The following AHRR variants were observed in gnomAD, a reference collection of about 807,000 sequenced individuals.
AHRR encodes the protein aryl hydrocarbon receptor repressor, also known as ahR repressor.
Under a neutral mutation model 44.0 loss-of-function variants are expected in AHRR, and 28 were observed. The ratio of observed to expected loss-of-function variants is 0.64; its 90% CI spans 0.47 to 0.87. AHRR has a LOEUF of 0.87. Ranked by LOEUF, AHRR falls within the 40% of genes least tolerant of loss-of-function variation. The pLI, the probability that AHRR is intolerant of heterozygous loss-of-function variation, is 0.00. For synonymous variants in AHRR, 434 were observed against 407.0 expected, an observed-to-expected ratio of 1.07 and a Z score of -0.80; for missense variants, 990 against 953.9, an observed-to-expected ratio of 1.04 and a Z score of -0.50.
rs1743553665 is a variant in AHRR at position 370,787 on chromosome 5, CCCATCATG to C, written c.245-5821_245-5814del. 6.6e-6 allele frequency among the ~76,000 whole-genome samples: 1 copy of C among 151,906 alleles called. No individual in the cohort carries two copies. Among genetic ancestry groups the C allele is most frequent in the African/African-American group, 2.4e-5 (1 of 41,334 alleles). ...GTTGGTGGGGGGAGGGGGGCACGTT[CCCATCATG>C]CTTGTCCGACCTCCCTGGGTGGCTG... is the stretch of plus-strand genomic sequence containing the variant. On this transcript the variant is annotated intron_variant, in intron 3 of 10. Coordinates refer to ENST00000684583, the MANE Select transcript of AHRR (RefSeq NM_001377236.1). This position sits in a 1 kb window ranked among gnomAD's most constrained non-coding sequence, Gnocchi z 4.5.
chr5:364,086 C>G (rs186022892), intron 3 of AHRR, among the ~76,000 whole-genome samples: 5 of 152,310 alleles, frequency 3.3e-5, no homozygotes, highest in African/African-American at 1.2e-4. Context: ...GTAACTGAGG[C>G]ATCCTTCTAC....
In AHRR at chr5:434,125, G is replaced by C; in HGVS notation, c.1385G>C (p.Ser462Thr). The change falls in exon 11 of 11, where the codon AGC becomes ACC. Residue 462 changes from serine to threonine, a missense_variant. Physicochemically the swap from Ser to Thr is moderately conservative, Grantham distance 58. Transcript: ENST00000684583. ...AGCCCGTCCCCCAGTGCCTACTCCA[G>C]CCGGACCAGCAGACCCATGCGGGAT... Reference protein sequence around the residue: ...PPSPSPSAYSSRTSRPMRDVG... With the variant: ...PPSPSPSAYSTRTSRPMRDVG... 2 of 1,612,630 alleles carry C rather than the reference G, an allele frequency of 1.2e-6. No individual in the cohort carries two copies. The highest frequency in any genetic ancestry group is 1.7e-5 in the Admixed American group (1 of 59,854).
chr5:393,388 G>C (rs1209595961), intron 4 of AHRR, among the ~76,000 whole-genome samples: 1 of 152,220 alleles, frequency 6.6e-6, no homozygotes, highest in Non-Finnish European at 1.5e-5. Flanking sequence ...CTCCTCCCGA[G>C]TGTTCCTCTA....
chr5:372,430 C>CA, intron 3 of AHRR, among the ~76,000 whole-genome samples: 1 of 152,330 alleles, frequency 6.6e-6, no homozygotes, highest in East Asian at 1.9e-4. Context: ...GGGTGAAGGA[C>CA]AAAGGGACGT....
chr5:421,906 C>T (rs1335679651), intron 5 of AHRR, among the ~76,000 whole-genome samples: 2 of 152,226 alleles, frequency 1.3e-5, no homozygotes, highest in Non-Finnish European at 2.9e-5. Flanking sequence ...GGAAGAACCA[C>T]TTGGTTATTA....
At chr5:362,897 T>A (rs1304872464) in intron 3 of AHRR, among the ~76,000 whole-genome samples, 1 of 152,264 alleles carries the variant, frequency 6.6e-6, no homozygotes, top group Non-Finnish European at 1.5e-5. Flanking sequence ...TTTTCTCATG[T>A]CTGCCCCAGC....
intron 1 of AHRR, among the ~76,000 whole-genome samples, chr5:322,400 G>A (rs1377017819): frequency 6.6e-6 from 1 of 152,122 alleles, no homozygotes; most frequent in Non-Finnish European, 1.5e-5. Flanking sequence ...CCTCTTCTGC[G>A]AGGCCGGAGG....
In AHRR at chr5:404,035, T is replaced by C; in HGVS notation, c.352-9309T>C. 1 of 757,910 alleles carries C rather than the reference T, an allele frequency of 1.3e-6. No homozygotes were observed. Among genetic ancestry groups the C allele is most frequent in the Non-Finnish European group, 2.3e-6 (1 of 426,974 alleles). 46.9% of individuals were successfully genotyped at this position (757,910 alleles called of 1,614,324 possible). On this transcript the variant is annotated intron_variant, in intron 4 of 10. Transcript: ENST00000684583. The surrounding 1 kb of genome is among the most constrained non-coding windows in gnomAD (Gnocchi z 4.1). ...TTTTTTCTTAATCCACGGCTGAATCTGTTTAGTCTTTGCATCCAAATCATG... is the reference window on the plus strand; with the variant it reads ...TTTTTTCTTAATCCACGGCTGAATCCGTTTAGTCTTTGCATCCAAATCATG...
At position 338,434 on chromosome 5, in the gene AHRR, G is replaced by GT. The variant is rs978028576; in HGVS notation, c.-10-5453dup. On this transcript the variant is annotated intron_variant, in intron 1 of 10. Transcript: ENST00000684583. This position sits in a 1 kb window ranked among gnomAD's most constrained non-coding sequence, Gnocchi z 4.1. Reference sequence around the variant, plus strand: ...AAGATGTAGAATTCTAGGTTTCAGGGTTTTTTCTTTCAGCTTTAAAGATGT... The same window carrying GT: ...AAGATGTAGAATTCTAGGTTTCAGGGTTTTTTTCTTTCAGCTTTAAAGATGT... Among the ~76,000 whole-genome samples, 4 of 152,164 alleles carry GT rather than the reference G, an allele frequency of 2.6e-5. No individual in the cohort carries two copies. Among genetic ancestry groups the GT allele is most frequent in the African/African-American group, 9.7e-5 (4 of 41,440 alleles).
At chr5:369,706 G>C (rs1743499691) in intron 3 of AHRR, among the ~76,000 whole-genome samples, 1 of 152,244 alleles carries the variant, frequency 6.6e-6, no homozygotes, top group African/African-American at 2.4e-5. Flanking sequence ...GACAAATTCT[G>C]TGCATCCTGG....
chr5:397,680 T>G (rs148426454), intron 4 of AHRR, among the ~76,000 whole-genome samples: 3 of 78,176 alleles, frequency 3.8e-5, no homozygotes, highest in Admixed American at 1.3e-4. Context: ...TGACCATCCA[T>G]GTAGCCCCTG....
In AHRR at chr5:383,986, AT is replaced by A. The variant is rs573686498; in HGVS notation, c.351+7278del. 2.0e-5 allele frequency among the ~76,000 whole-genome samples: 3 copies of A among 151,338 alleles called. No individual in the cohort carries two copies. The highest frequency in any genetic ancestry group is 4.4e-5 in the Non-Finnish European group (3 of 67,820). On this transcript the variant is annotated intron_variant, in intron 4 of 10. Transcript: ENST00000684583. The surrounding 1 kb of genome is among the most constrained non-coding windows in gnomAD (Gnocchi z 4.0). ...TTGGCAGTATGTAAGTTGGGCCTTGATTTTTTTTCAATCAAGTCTGACAATC... is the reference window on the plus strand; with the variant it reads ...TTGGCAGTATGTAAGTTGGGCCTTGATTTTTTTCAATCAAGTCTGACAATC...
At chr5:431,999 G>A (rs1273368149) in intron 8 of AHRR, 1 of 157,996 alleles carries the variant, frequency 6.3e-6, no homozygotes, top group Non-Finnish European at 1.4e-5. Flanking sequence ...AATCTACCAG[G>A]GTGAGTTGTT....
In AHRR at chr5:323,813, G is replaced by C. The variant is rs906504262; in HGVS notation, c.-11+1994G>C. Among the ~76,000 whole-genome samples, 10 of 152,292 alleles carry C rather than the reference G, an allele frequency of 6.6e-5. No individual in the cohort carries two copies. The South Asian group carries it at 1.7e-3, about 25-fold the overall frequency. On this transcript the variant is annotated intron_variant, in intron 1 of 10. Coordinates refer to ENST00000684583, the MANE Select transcript of AHRR (RefSeq NM_001377236.1). ...GAAGCGGGAAAGCGCCATGTGGTCTGGGGTGATCAGGCATTGAAGGAGACT... is the reference window on the plus strand; with the variant it reads ...GAAGCGGGAAAGCGCCATGTGGTCTCGGGTGATCAGGCATTGAAGGAGACT...
chr5:323,044 CCT>C (rs1741559846), intron 1 of AHRR, among the ~76,000 whole-genome samples: 1 of 152,244 alleles, frequency 6.6e-6, no homozygotes, highest in South Asian at 2.1e-4. Flanking sequence ...CTGGCCGACC[CCT>C]CTGTCCCGTG....
chr5:415,166 C>T (rs1024312085), intron 5 of AHRR, among the ~76,000 whole-genome samples: 10 of 152,236 alleles, frequency 6.6e-5, no homozygotes, highest in Admixed American at 2.0e-4. Flanking sequence ...TGTGACACTG[C>T]GGGGTGCACA....
At chr5:376,014 C>A (rs143861295) in intron 3 of AHRR, among the ~76,000 whole-genome samples, 1 of 109,784 alleles carries the variant, frequency 9.1e-6, no homozygotes, top group African/African-American at 5.7e-5. Context: ...TCCTGCCCTG[C>A]GGTGTTCTGT....
At chr5:362,731 G>A (rs1164304980) in intron 3 of AHRR, among the ~76,000 whole-genome samples, 2 of 152,190 alleles carry the variant, frequency 1.3e-5, no homozygotes, top group Admixed American at 1.3e-4. Context: ...TATTTTAGGA[G>A]CTGATTTTAC....
rs547672038 is a variant in AHRR at position 326,786 on chromosome 5, G to C, written c.-11+4967G>C. On this transcript the variant is annotated intron_variant, in intron 1 of 10. Coordinates refer to ENST00000684583, the MANE Select transcript of AHRR (RefSeq NM_001377236.1). The surrounding 1 kb of genome is among the most constrained non-coding windows in gnomAD (Gnocchi z 4.1). ...TAAAAAAAATGATAGCTGGCCCGGCGCATGGTTCACGCCTGTAATCCCTGC... is the reference window on the plus strand; with the variant it reads ...TAAAAAAAATGATAGCTGGCCCGGCCCATGGTTCACGCCTGTAATCCCTGC... Among the ~76,000 whole-genome samples the C allele has an allele frequency of 6.6e-6, 1 of 152,006 alleles. No homozygotes were observed. Among genetic ancestry groups the C allele is most frequent in the Non-Finnish European group, 1.5e-5 (1 of 68,008 alleles).
Sources: allele counts gnomAD v4.1 joint callset (sites outside exome capture counted in the v4.1 genomes callset), GRCh38; gene constraint gnomAD v4.1.1; non-coding constraint Gnocchi (gnomAD v3.1); transcripts MANE v1.5; gene names NCBI Gene and HGNC (gene_info 2026-07-23, HGNC 2026-07-21).